Variants in SPIRE1 observed in about 807,000 individuals in gnomAD.
The protein encoded by SPIRE1 is protein spire homolog 1.
A neutral mutation model predicts 94.1 loss-of-function variants in SPIRE1; 40 were observed. That is an observed-to-expected ratio of 0.43 (90% CI 0.33 to 0.55). The LOEUF (loss-of-function observed/expected upper bound fraction) is 0.55, where lower values mean the gene tolerates loss of function less well. Ranked by LOEUF, SPIRE1 falls within the 20% of genes least tolerant of loss-of-function variation. The pLI, the probability that SPIRE1 is intolerant of heterozygous loss-of-function variation, is 0.06. For synonymous variants in SPIRE1, 376 were observed against 371.7 expected (o/e 1.01, Z -0.13); for missense variants, 838 against 975.2 (o/e 0.86, Z 1.87).
At chr18:12,457,932 C>T (rs1029153708) in intron 12 of SPIRE1, among the ~76,000 whole-genome samples, 2 of 151,412 alleles carry the variant, frequency 1.3e-5, no homozygotes, top group Non-Finnish European at 2.9e-5. Context: ...GCAAGCTCCA[C>T]CTCCAGGGTT....
chr18:12,557,613 G>A (rs1448661057), intron 2 of SPIRE1, among the ~76,000 whole-genome samples: 3 of 152,194 alleles, frequency 2.0e-5, no homozygotes, highest in Admixed American at 1.3e-4. Flanking sequence ...GCAGGCTGAA[G>A]GGCTCCTCAA....
chr18:12,479,600 A>G, intron 10 of SPIRE1, 99 bp downstream of exon 10: 1 of 1,123,528 alleles, frequency 8.9e-7, no homozygotes, highest in Non-Finnish European at 1.2e-6. Context: ...AAATGGGAAG[A>G]GATTAAGCAA....
At chr18:12,600,102 CA>C (rs58628339) in intron 2 of SPIRE1, among the ~76,000 whole-genome samples, 3,507 of 118,396 alleles carry the variant, frequency 0.03, 133 homozygotes, top group African/African-American at 0.1. Context: ...CAATGGCCAG[CA>C]AAAAAAAAAA....
At chr18:12,601,968 G>A (rs1441725301) in intron 2 of SPIRE1, among the ~76,000 whole-genome samples, 1 of 152,150 alleles carries the variant, frequency 6.6e-6, no homozygotes, top group Non-Finnish European at 1.5e-5. Flanking sequence ...GTTACTGGTA[G>A]TGGGGAAGGC....
rs1454561663 is a variant in SPIRE1 at position 12,448,298 on chromosome 18, G to A, written c.*1340C>T. ...GCAGCCGCCATGCCTTTCATGAAAC[G>A]GTGCTATCGTGGTGCTGACTACAGA... On this transcript the variant is annotated 3_prime_UTR_variant, in exon 17 of 17. Coordinates refer to ENST00000409402, the MANE Select transcript of SPIRE1 (RefSeq NM_001128626.2). This position sits in a 1 kb window ranked among gnomAD's most constrained non-coding sequence, Gnocchi z 4.4. The A allele has an allele frequency of 6.6e-6, 1 of 152,562 alleles. No homozygotes were observed. The highest frequency in any genetic ancestry group is 1.5e-5 in the Non-Finnish European group (1 of 68,028). 9.5% of individuals were successfully genotyped at this position (152,562 alleles called of 1,614,324 possible).
Position 12,535,564 on chromosome 18 carries a change from G to A in SPIRE1, c.641C>T (p.Pro214Leu). 1 of 1,612,970 alleles carries A rather than the reference G, an allele frequency of 6.2e-7. No homozygotes were observed. Among genetic ancestry groups the A allele is most frequent in the Non-Finnish European group, 8.5e-7 (1 of 1,179,104 alleles). Residue 214 changes from proline (P) to leucine (L), a missense_variant, in exon 4 of 17, where the codon CCA becomes CTA. Around this residue, in one of 2 missense-constraint regions of SPIRE1, gnomAD observed 645 missense variants for 804.7 expected, o/e 0.80. Coordinates refer to ENST00000409402, the MANE Select transcript of SPIRE1 (RefSeq NM_001128626.2). ...AAHLPTESDA[P>L]NHYQAVCRAL... ...ACGACATACTGCCTGATAATGATTTGGTGCATCTGATTCAGTAGGGAGATG... is the reference window on the plus strand; with the variant it reads ...ACGACATACTGCCTGATAATGATTTAGTGCATCTGATTCAGTAGGGAGATG...
intron 10 of SPIRE1, among the ~76,000 whole-genome samples, chr18:12,474,353 T>C (rs944334724): frequency 2.0e-5 from 3 of 151,852 alleles, no homozygotes; most frequent in Non-Finnish European, 4.4e-5. Flanking sequence ...GGCCACTCCC[T>C]CTTGGAATGG....
chr18:12,657,572 C>A lies in SPIRE1; in HGVS notation c.295G>T (p.Ala99Ser). 8.1e-7 allele frequency: 1 copy of A among 1,239,984 alleles called. No individual in the cohort carries two copies. The highest frequency in any genetic ancestry group is 1.0e-6 in the Non-Finnish European group (1 of 992,576). The allele number at this position is 1,239,984 out of a possible 1,614,324, so 76.8% of individuals were successfully genotyped here. ...RVWRDGAVTL[A>S]PAADDAGEPP... ...TCTCCCGCGTCGTCGGCCGCGGGCG[C>A]CAGGGTGACGGCGCCGTCCCTCCAG... is the stretch of plus-strand genomic sequence containing the variant. Residue 99 changes from alanine to serine, a missense_variant, in exon 1 of 17, where the codon GCG becomes TCG. Ala to Ser is a moderately conservative substitution (Grantham distance 99). Transcript: ENST00000409402.
At position 12,514,749 on chromosome 18, in the gene SPIRE1, C is replaced by T. The variant is rs78639572; in HGVS notation, c.730-2218G>A. Among the ~76,000 whole-genome samples the T allele has an allele frequency of 7.9e-3, 1,202 of 152,178 alleles. 12 individuals carry two copies. Among genetic ancestry groups the T allele is most frequent in the South Asian group, 0.03 (146 of 4,810 alleles). ...CTGCCACACAGAAACACATGCTCTG[C>T]GTTTTAGGAAAATAAATCTTCAACC... is the stretch of plus-strand genomic sequence containing the variant. On this transcript the variant is annotated intron_variant, in intron 4 of 16. Coordinates refer to ENST00000409402, the MANE Select transcript of SPIRE1 (RefSeq NM_001128626.2).
intron 2 of SPIRE1, among the ~76,000 whole-genome samples, chr18:12,589,747 G>GACAGCCACTGCCTCTAAT (rs1202656556): frequency 6.6e-6 from 1 of 152,142 alleles, no homozygotes; most frequent in Admixed American, 6.5e-5. Flanking sequence ...CTCATTCAAT[G>GACAGCCACTGCCTCTAAT]ACAGCCACTG....
At chr18:12,615,327 C>CAAAAAAAAAAAAAATAAA (rs2037256508) in intron 2 of SPIRE1, among the ~76,000 whole-genome samples, 1 of 2,190 alleles carries the variant, frequency 4.6e-4, no homozygotes, top group Non-Finnish European at 9.1e-4. Context: ...AACTCTGTCT[C>CAAAAAAAAAAAAAATAAA]AAAAAAAAAA....
At chr18:12,642,154 A>G (rs781662656) in intron 1 of SPIRE1, among the ~76,000 whole-genome samples, 1 of 152,180 alleles carries the variant, frequency 6.6e-6, no homozygotes. Context: ...TCTCTCATGG[A>G]AAAAGCATTC....
intron 2 of SPIRE1, among the ~76,000 whole-genome samples, chr18:12,630,040 A>AT (rs2037733622): frequency 6.6e-6 from 1 of 152,214 alleles, no homozygotes; most frequent in South Asian, 2.1e-4. Context: ...CTCAGAACTC[A>AT]TAATTTTTAA....
In SPIRE1 at chr18:12,655,035, AAAG is replaced by A. The variant is rs1447688251; in HGVS notation, c.337+2492_337+2494del. On this transcript the variant is annotated intron_variant, in intron 1 of 16. Coordinates refer to ENST00000409402, the MANE Select transcript of SPIRE1 (RefSeq NM_001128626.2). ...GAGGGAGACTCCATCTCAAAAAAAA[AAAG>A]AAAGAAAGAAAAGAAAAGAAAAAGA... Among the ~76,000 whole-genome samples the A allele has an allele frequency of 4.0e-5, 6 of 151,584 alleles. No homozygotes were observed. The South Asian group carries it at 6.3e-4, about 16-fold the overall frequency.
chr18:12,562,474 T>C (rs2035714185), intron 2 of SPIRE1, among the ~76,000 whole-genome samples: 1 of 148,110 alleles, frequency 6.8e-6, no homozygotes, highest in African/African-American at 2.4e-5. Context: ...TTTCTTAACA[T>C]TTTATTTTAT....
intron 9 of SPIRE1, among the ~76,000 whole-genome samples, chr18:12,484,728 A>G (rs17524639): frequency 0.1 from 15,914 of 152,150 alleles, 1,195 homozygotes; most frequent in Middle Eastern, 0.21. Flanking sequence ...AAAAACTCTA[A>G]CTTGCAAAAT....
intron 2 of SPIRE1, among the ~76,000 whole-genome samples, chr18:12,619,807 C>T (rs1223861016): frequency 1.7e-4 from 25 of 144,156 alleles, no homozygotes; most frequent in African/African-American, 1.5e-4. Context: ...GATCGCGGCA[C>T]TGCACTCCAG....
At chr18:12,635,380 CAAACA>C (rs2037893910) in intron 1 of SPIRE1, among the ~76,000 whole-genome samples, 1 of 152,082 alleles carries the variant, frequency 6.6e-6, no homozygotes. Flanking sequence ...ATAAATCAAT[CAAACA>C]AAAACATTTG....
At chr18:12,462,667 A>G (rs1246079412) in intron 12 of SPIRE1, among the ~76,000 whole-genome samples, 2 of 152,246 alleles carry the variant, frequency 1.3e-5, no homozygotes, top group Non-Finnish European at 2.9e-5. Flanking sequence ...AGTAGTTATT[A>G]ATGGATCAAA....
Sources: gnomAD v4.1 joint callset for allele counts (sites outside exome capture counted in the v4.1 genomes callset) on GRCh38, gnomAD v4.1.1 for gene constraint, gnomAD v4.1.1 regional missense constraint, Gnocchi (gnomAD v3.1) non-coding constraint, MANE v1.5 for transcripts, NCBI Gene and HGNC (gene_info 2026-07-23, HGNC 2026-07-21) for gene names.